The following LPP variants were observed in gnomAD, a reference collection of about 807,000 sequenced individuals.
LPP encodes LIM domain containing preferred translocation partner in lipoma.
In LPP, 38 loss-of-function variants were observed where a neutral mutation model predicts 60.4. The observed-to-expected ratio is 0.63, with a 90% CI of 0.49 to 0.83. The LOEUF (loss-of-function observed/expected upper bound fraction) is 0.83, where lower values mean the gene tolerates loss of function less well. Ranked by LOEUF, LPP falls within the 40% of genes least tolerant of loss-of-function variation. The probability of loss-of-function intolerance (pLI) is 0.00; values close to 1 mark genes in which losing one functional copy is unlikely to be tolerated. For missense variants in LPP, 902 were observed against 783.6 expected (o/e 1.15, Z -1.80); for synonymous variants, 328 against 290.8 (o/e 1.13, Z -1.30).
intron 7 of LPP, among the ~76,000 whole-genome samples, chr3:188,698,058 T>C (rs1043587515): frequency 6.6e-6 from 1 of 152,140 alleles, no homozygotes; most frequent in Admixed American, 6.5e-5. Flanking sequence ...TAGCTTGTAA[T>C]TGAGGATAGT....
At chr3:188,715,244 G>A (rs541813462) in intron 8 of LPP, among the ~76,000 whole-genome samples, 86 of 151,998 alleles carry the variant, frequency 5.7e-4, no homozygotes, top group South Asian at 1.5e-3. Flanking sequence ...TGGGCATGGT[G>A]GCACGCACCT....
intron 3 of LPP, among the ~76,000 whole-genome samples, chr3:188,357,810 T>A (rs1413974430): frequency 1.3e-5 from 2 of 152,194 alleles, no homozygotes; most frequent in African/African-American, 4.8e-5. Context: ...AAAAACAGCA[T>A]GTTTGCTATC....
chr3:188,363,256 C>A lies in LPP; in HGVS notation c.-10+21537C>A, dbSNP rs1770058104. On this transcript the variant is annotated intron_variant, in intron 3 of 11. Coordinates refer to ENST00000617246, the MANE Select transcript of LPP (RefSeq NM_001375462.1). ...TTTGCTAAAAGGCCTTTAACCTTTTCTGGAAGGAAAATGCATGTGGATTTA... is the reference window on the plus strand; with the variant it reads ...TTTGCTAAAAGGCCTTTAACCTTTTATGGAAGGAAAATGCATGTGGATTTA... Among the ~76,000 whole-genome samples, 7 of 152,214 alleles carry A rather than the reference C, an allele frequency of 4.6e-5. No individual in the cohort carries two copies. The South Asian group carries it at 1.2e-3, about 27-fold the overall frequency.
intron 9 of LPP, among the ~76,000 whole-genome samples, chr3:188,812,557 C>G (rs926803400): frequency 6.6e-6 from 1 of 152,180 alleles, no homozygotes; most frequent in Non-Finnish European, 1.5e-5. Context: ...TTCCCCTTCT[C>G]TTGTGCATAT....
At chr3:188,441,609 C>CTTTTCTTTT (rs1793896698) in intron 4 of LPP, among the ~76,000 whole-genome samples, 1 of 55,652 alleles carries the variant, frequency 1.8e-5, no homozygotes, top group African/African-American at 7.5e-5. Context: ...CTTTTCTTTT[C>CTTTTCTTTT]TTTTTTTTTT....
At chr3:188,369,454 G>A (rs1049515838) in intron 3 of LPP, among the ~76,000 whole-genome samples, 1 of 152,080 alleles carries the variant, frequency 6.6e-6, no homozygotes, top group East Asian at 1.9e-4. Context: ...ACCACATGTG[G>A]CCTAGTCTTT....
chr3:188,372,192 C>A (rs868736978), intron 3 of LPP, among the ~76,000 whole-genome samples: 1 of 152,028 alleles, frequency 6.6e-6, no homozygotes, highest in Admixed American at 6.6e-5. Flanking sequence ...GGCTTGACAG[C>A]AAAACTCCTC....
At chr3:188,503,926 G>C (rs537537287) in intron 5 of LPP, among the ~76,000 whole-genome samples, 1 of 152,212 alleles carries the variant, frequency 6.6e-6, no homozygotes, top group Admixed American at 6.5e-5. Context: ...GTCTGTTTGA[G>C]TTCATCTTAC....
chr3:188,488,915 G>T (rs771181808), intron 5 of LPP, among the ~76,000 whole-genome samples: 12 of 152,134 alleles, frequency 7.9e-5, no homozygotes, highest in Non-Finnish European at 1.5e-4. Context: ...GGGATTACAG[G>T]CATGATCCAC....
At chr3:188,565,552 G>A (rs936839651) in intron 6 of LPP, among the ~76,000 whole-genome samples, 4 of 151,876 alleles carry the variant, frequency 2.6e-5, no homozygotes, top group Non-Finnish European at 5.9e-5. Context: ...GAAAGCAATC[G>A]TGAGATACTA....
chr3:188,528,120 A>G (rs1430076125), intron 6 of LPP, among the ~76,000 whole-genome samples: 1 of 152,192 alleles, frequency 6.6e-6, no homozygotes, highest in Non-Finnish European at 1.5e-5. Flanking sequence ...ATGTGAGCAT[A>G]GAGTATCAGA....
intron 7 of LPP, among the ~76,000 whole-genome samples, chr3:188,626,504 T>C (rs1006422635): frequency 2.0e-5 from 3 of 151,810 alleles, no homozygotes; most frequent in African/African-American, 7.2e-5. Flanking sequence ...AAACTACAGA[T>C]TTTTTTTTCC....
At chr3:188,522,805 ATATATATATATGTGTATGTGTG>A (rs1165267305) in intron 5 of LPP, among the ~76,000 whole-genome samples, 3 of 145,140 alleles carry the variant, frequency 2.1e-5, no homozygotes, top group Admixed American at 1.4e-4. Context: ...ATATATATAT[ATATATATATATGTGTATGTGTG>A]TGTGTATGTG....
At chr3:188,800,815 C>G (rs909043494) in intron 9 of LPP, among the ~76,000 whole-genome samples, 1 of 152,128 alleles carries the variant, frequency 6.6e-6, no homozygotes, top group Non-Finnish European at 1.5e-5. Context: ...GCATCATTTT[C>G]TATGCTTAGT....
intron 2 of LPP, among the ~76,000 whole-genome samples, chr3:188,229,092 T>A (rs746834850): frequency 2.0e-5 from 3 of 152,244 alleles, no homozygotes; most frequent in Non-Finnish European, 4.4e-5. Context: ...TGCAGCTAGA[T>A]CTGCAACTTT....
rs1579595236 is a variant in LPP, at chr3:188,521,548, C to G, written c.307-3117C>G. ...TCTTTACTAATACCCCAAGGGAACA[C>G]TTAATGAATGATGCTTCCCTCAAGA... On this transcript the variant is annotated intron_variant, in intron 5 of 11. Coordinates refer to ENST00000617246, the MANE Select transcript of LPP (RefSeq NM_001375462.1). Among the ~76,000 whole-genome samples the G allele has an allele frequency of 7.9e-5, 12 of 152,178 alleles. No homozygotes were observed. In the South Asian group the frequency reaches 2.5e-3, roughly 32 times the overall value.
intron 8 of LPP, among the ~76,000 whole-genome samples, chr3:188,742,809 C>T (rs1724907140): frequency 6.6e-6 from 1 of 152,070 alleles, no homozygotes; most frequent in Non-Finnish European, 1.5e-5. Context: ...TTATTTATTG[C>T]ATTTAGATTA....
At chr3:188,563,143 A>G (rs1831141303) in intron 6 of LPP, among the ~76,000 whole-genome samples, 1 of 152,008 alleles carries the variant, frequency 6.6e-6, no homozygotes, top group African/African-American at 2.4e-5. Context: ...TTGATTTTGA[A>G]TGGAATAGTT....
At chr3:188,184,318 G>C (rs913997600) in intron 1 of LPP, among the ~76,000 whole-genome samples, 10 of 152,060 alleles carry the variant, frequency 6.6e-5, no homozygotes, top group African/African-American at 2.4e-4. Context: ...CTCTGGCTGG[G>C]CCCCAGATGT....
Sources: gnomAD v4.1 joint callset for allele counts (sites outside exome capture counted in the v4.1 genomes callset) on GRCh38, gnomAD v4.1.1 for gene constraint, MANE v1.5 for transcripts, NCBI Gene and HGNC (gene_info 2026-07-23, HGNC 2026-07-21) for gene names.